The following FSIP2 variants were observed in gnomAD, a reference collection of about 807,000 sequenced individuals.
FSIP2 encodes the protein fibrous sheath interacting protein 2, also known as fibrous sheath-interacting protein 2.
Under a neutral mutation model 510.5 loss-of-function variants are expected in FSIP2, and 367 were observed. That is an observed-to-expected ratio of 0.72 (90% CI 0.66 to 0.78). FSIP2 has a LOEUF of 0.78. FSIP2 is among the 30% of genes least tolerant of loss of function. The pLI is 0.00. For missense variants in FSIP2, 7,594 were observed against 7,901.7 expected (o/e 0.96, Z 1.48); for synonymous variants, 2,601 against 2,732.2 (o/e 0.95, Z 1.50).
rs981694938 is a variant in FSIP2 at position 185,792,114 on chromosome 2, G to A, written c.4978G>A (p.Val1660Met). ...GAAGGTTATTCAAACAGAATTAAAT[G>A]TGACCTCATCAGATTTGAAGACAAG... ...ILKVIQTELN[V>M]TSSDLKTSVE... Residue 1660 changes from valine to methionine, a missense_variant, in exon 16 of 23, where the codon GTG (valine) becomes ATG (methionine). Val to Met is a conservative substitution (Grantham distance 21, BLOSUM62 1). Coordinates refer to ENST00000424728, the MANE Select transcript of FSIP2 (RefSeq NM_173651.4). The A allele has an allele frequency of 2.5e-5, 38 of 1,533,760 alleles. No individual in the cohort carries two copies. Among genetic ancestry groups the A allele is most frequent in the Middle Eastern group, 1.7e-4 (1 of 5,998 alleles).
At chr2:185,745,184 C>T in intron 4 of FSIP2, 1 of 262,838 alleles carries the variant, frequency 3.8e-6, no homozygotes, top group Non-Finnish European at 7.0e-6. Context: ...TTCTTCTCTA[C>T]TTCCTGCATA....
chr2:185,818,264 A>G (rs1693858692), intron 19 of FSIP2, among the ~76,000 whole-genome samples: 1 of 151,912 alleles, frequency 6.6e-6, no homozygotes, highest in Non-Finnish European at 1.5e-5. Flanking sequence ...AGTCATTTGA[A>G]GTTGCCAAGT....
At position 185,801,038 on chromosome 2, in the gene FSIP2, C is replaced by A. The variant is rs751485279; in HGVS notation, c.11732C>A (p.Ser3911Tyr). ...SLELRSYDSN[S>Y]LTVSLNNPSV... Reference sequence around the variant, plus strand: ...GAACTCAGGAGCTATGATAGTAATTCTTTGACAGTATCCCTGAATAATCCC... The same window carrying A: ...GAACTCAGGAGCTATGATAGTAATTATTTGACAGTATCCCTGAATAATCCC... Residue 3911 changes from serine (S) to tyrosine (Y), a missense_variant, in exon 17 of 23, where the codon TCT becomes TAT. Coordinates refer to ENST00000424728, the MANE Select transcript of FSIP2 (RefSeq NM_173651.4). The A allele has an allele frequency of 6.5e-7, 1 of 1,531,974 alleles. No homozygotes were observed. The highest frequency in any genetic ancestry group is 1.7e-4 in the Middle Eastern group (1 of 5,960). The allele number at this position is 1,531,974 out of a possible 1,614,324, so 94.9% of individuals were successfully genotyped here. A position where few individuals can be genotyped will look rare whatever the true frequency, so the allele number is the denominator to read the frequency against.
Position 185,796,367 on chromosome 2 carries a change from A to G in FSIP2, c.9231A>G (p.Gln3077=), listed in dbSNP as rs962044665. The G allele has an allele frequency of 3.9e-6, 6 of 1,533,976 alleles. No homozygotes were observed. In the Admixed American group the frequency reaches 9.8e-5, roughly 25 times the overall value. ...ILLRVHSFHS[Q]LLTYAVNIIS... ...TACGGGTTCATTCATTCCATTCACA[A>G]TTACTTACATATGCTGTTAATATCA... The change falls in exon 16 of 23, where the codon CAA becomes CAG. Residue 3077 remains glutamine (Q), a synonymous_variant. Transcript: ENST00000424728.
intron 9 of FSIP2, among the ~76,000 whole-genome samples, chr2:185,756,703 C>T (rs1429709806): frequency 6.6e-6 from 1 of 151,280 alleles, no homozygotes; most frequent in Non-Finnish European, 1.5e-5. Flanking sequence ...TATGTCACTT[C>T]ATGTTGTTCA....
rs1318263733 is a variant in FSIP2, at chr2:185,792,737, T to C, written c.5601T>C (p.Asn1867=). ...TGACAGAAAGAAATGTAAGGGAAAA[T>C]AGGTATAAAACTATCACTTTTTCAG... is the stretch of plus-strand genomic sequence containing the variant. ...AAMTERNVRE[N]RYKTITFSAN... Residue 1867 remains asparagine, a synonymous_variant, in exon 16 of 23, where the codon AAT becomes AAC. Transcript: ENST00000424728. 6.5e-7 allele frequency: 1 copy of C among 1,534,042 alleles called. No individual in the cohort carries two copies. Among genetic ancestry groups the C allele is most frequent in the Non-Finnish European group, 8.7e-7 (1 of 1,145,568 alleles).
Position 185,801,354 on chromosome 2 carries a change from T to A in FSIP2, c.12048T>A (p.Asn4016Lys), listed in dbSNP as rs1235581788. Residue 4016 changes from asparagine (N) to lysine (K), a missense_variant, in exon 17 of 23, where the codon AAT (asparagine) becomes AAA (lysine). Coordinates refer to ENST00000424728, the MANE Select transcript of FSIP2 (RefSeq NM_173651.4). ...CATTATTTGTCAACAATGTAGTGAA[T>A]GAATTTAATAATGCTCAAGTCACTG... ...MNTLFVNNVV[N>K]EFNNAQVTVL... 12 of 1,534,106 alleles carry A rather than the reference T, an allele frequency of 7.8e-6. No homozygotes were observed. The South Asian group carries it at 1.1e-4, about 14-fold the overall frequency.
chr2:185,816,438 G>T (rs1376329250), intron 19 of FSIP2, among the ~76,000 whole-genome samples: 1 of 151,894 alleles, frequency 6.6e-6, no homozygotes, highest in African/African-American at 2.4e-5. Context: ...GAAGCTCAAG[G>T]TTCTGATTTC....
rs1357944597 is a variant in FSIP2 at position 185,738,981 on chromosome 2, G to T, written c.87G>T (p.Gln29His). The T allele has an allele frequency of 1.3e-6, 2 of 1,533,422 alleles. No homozygotes were observed. Among genetic ancestry groups the T allele is most frequent in the South Asian group, 2.4e-5 (2 of 83,922 alleles). The allele number at this position is 1,533,422 out of a possible 1,614,324, so 95.0% of individuals were successfully genotyped here. Residue 29 changes from glutamine (Q) to histidine (H), a missense_variant, in exon 1 of 23, where the codon CAG (glutamine) becomes CAT (histidine). Coordinates refer to ENST00000424728, the MANE Select transcript of FSIP2 (RefSeq NM_173651.4). ...CCAGCGTCCTGGCCGCGGACACCCA[G>T]CAGTGCAGAGACGTGAGTGGCCGCA... ...TVASVLAADT[Q>H]QCRDGVHKTH...
chr2:185,801,898 A>G lies in FSIP2; in HGVS notation c.12592A>G (p.Ile4198Val). Residue 4198 changes from isoleucine (I) to valine (V), a missense_variant, in exon 17 of 23, where the codon ATA becomes GTA. Coordinates refer to ENST00000424728, the MANE Select transcript of FSIP2 (RefSeq NM_173651.4). The stretch of plus-strand genomic sequence containing the variant: ...TTCAAAACATAAAATCTGGTTCACT[A>G]TATATGATAATCAATATCTATATAC... Reference protein sequence around the residue: ...AISKHKIWFTIYDNQYLYTGK... With the variant: ...AISKHKIWFTVYDNQYLYTGK... 6.7e-7 allele frequency: 1 copy of G among 1,495,228 alleles called. No individual in the cohort carries two copies. Among genetic ancestry groups the G allele is most frequent in the Non-Finnish European group, 8.9e-7 (1 of 1,118,468 alleles). The allele number at this position is 1,495,228 out of a possible 1,614,324, so 92.6% of individuals were successfully genotyped here.
At chr2:185,767,845 TGAAAACATAAC>T (rs1215124054) in intron 13 of FSIP2, among the ~76,000 whole-genome samples, 4 of 152,290 alleles carry the variant, frequency 2.6e-5, no homozygotes, top group Non-Finnish European at 5.9e-5. Flanking sequence ...TTCAACATAC[TGAAAACATAAC>T]GAAAACATAT....
rs1255415126 is a variant in FSIP2 at position 185,799,852 on chromosome 2, G to A, written c.10546G>A (p.Asp3516Asn). ...VLYHLTSSIS[D>N]GTKKGREKEK... Reference sequence around the variant, plus strand: ...TTACCATTTAACTTCGAGCATTTCTGATGGCACCAAAAAGGGTAGAGAAAA... The same window carrying A: ...TTACCATTTAACTTCGAGCATTTCTAATGGCACCAAAAAGGGTAGAGAAAA... Residue 3516 changes from aspartate to asparagine, a missense_variant, in exon 17 of 23, where the codon GAT (aspartate) becomes AAT (asparagine). Transcript: ENST00000424728. 7 of 1,532,902 alleles carry A rather than the reference G, an allele frequency of 4.6e-6. No homozygotes were observed. The East Asian group carries it at 7.4e-5, about 16-fold the overall frequency. 95.0% of individuals were successfully genotyped at this position (1,532,902 alleles called of 1,614,324 possible). A position where few individuals can be genotyped will look rare whatever the true frequency, so the allele number is the denominator to read the frequency against.
chr2:185,790,593 T>A lies in FSIP2; in HGVS notation c.3457T>A (p.Trp1153Arg). The A allele has an allele frequency of 6.5e-7, 1 of 1,533,878 alleles. No individual in the cohort carries two copies. Among genetic ancestry groups the A allele is most frequent in the Non-Finnish European group, 8.7e-7 (1 of 1,145,488 alleles). The change falls in exon 16 of 23, where the codon TGG becomes AGG. Residue 1153 changes from tryptophan to arginine, a missense_variant. Physicochemically the swap from Trp to Arg is moderately radical, Grantham distance 101. Coordinates refer to ENST00000424728, the MANE Select transcript of FSIP2 (RefSeq NM_173651.4). ...EKPQGLSHQE[W>R]IDQMFSVSEI... is the part of the protein sequence containing the mutation. Reference sequence around the variant, plus strand: ...GCCTCAAGGACTGTCACATCAAGAATGGATAGACCAGATGTTTTCTGTTTC... The same window carrying A: ...GCCTCAAGGACTGTCACATCAAGAAAGGATAGACCAGATGTTTTCTGTTTC...
rs537424871 is a variant in FSIP2 at position 185,762,293 on chromosome 2, C to T, written c.1240+276C>T. On this transcript the variant is annotated intron_variant, in intron 11 of 22. Coordinates refer to ENST00000424728, the MANE Select transcript of FSIP2 (RefSeq NM_173651.4). ...ACAGATAAAGACGCTGGCATAGTGG[C>T]TTCAGGAGATTGGAATACAAAGAAC... is the stretch of plus-strand genomic sequence containing the variant. Among the ~76,000 whole-genome samples the T allele has an allele frequency of 2.4e-3, 359 of 151,230 alleles. 2 individuals are homozygous for T. Among genetic ancestry groups the T allele is most frequent in the Non-Finnish European group, 4.2e-3 (285 of 67,396 alleles).
At position 185,797,543 on chromosome 2, in the gene FSIP2, G is replaced by A. The variant is rs911479134; in HGVS notation, c.10390+17G>A. 39 of 1,477,166 alleles carry A rather than the reference G, an allele frequency of 2.6e-5. No homozygotes were observed. In the East Asian group the frequency reaches 4.5e-4, roughly 17 times the overall value. 91.5% of individuals were successfully genotyped at this position (1,477,166 alleles called of 1,614,324 possible). Reference sequence around the variant, plus strand: ...AAACTACAGGTAAGCAAGAGAGAACGTACCTAAAAATTTGCATGATTTAGG... The same window carrying A: ...AAACTACAGGTAAGCAAGAGAGAACATACCTAAAAATTTGCATGATTTAGG... On this transcript the variant is annotated intron_variant, in intron 16 of 22. Transcript: ENST00000424728.
chr2:185,809,807 C>G (rs1693688252), intron 17 of FSIP2, among the ~76,000 whole-genome samples: 1 of 151,988 alleles, frequency 6.6e-6, no homozygotes, highest in South Asian at 2.1e-4. Flanking sequence ...CCCTATTGCT[C>G]TAGACCTAAC....
upstream of FSIP2, among the ~76,000 whole-genome samples, chr2:185,738,002 T>C (rs1691819854): frequency 6.6e-6 from 1 of 152,176 alleles, no homozygotes; most frequent in South Asian, 2.1e-4. Flanking sequence ...TGGAAGTTAG[T>C]AGATTCTGAA....
chr2:185,788,542 C>A, intron 15 of FSIP2, 101 bp from the exon 16 acceptor site: 1 of 709,958 alleles, frequency 1.4e-6, no homozygotes, highest in Non-Finnish European at 2.2e-6. Flanking sequence ...TGGTATTCCA[C>A]CAATACATTG....
intron 13 of FSIP2, among the ~76,000 whole-genome samples, chr2:185,781,170 T>C (rs569058342): frequency 2.6e-5 from 4 of 152,192 alleles, no homozygotes; most frequent in African/African-American, 7.2e-5. Flanking sequence ...AACTTTAGGA[T>C]TGTGTAAAAG....
Sources: gnomAD v4.1 joint callset for allele counts (sites outside exome capture counted in the v4.1 genomes callset) on GRCh38, gnomAD v4.1.1 for gene constraint, MANE v1.5 for transcripts, NCBI Gene and HGNC (gene_info 2026-07-23, HGNC 2026-07-21) for gene names.